Variants in SESTD1 observed in about 807,000 individuals in gnomAD.
SESTD1 encodes the protein SEC14 and spectrin domain containing 1.
SESTD1 carries 43 observed loss-of-function variants against 101.7 expected under a neutral mutation model. The ratio of observed to expected loss-of-function variants is 0.42; its 90% CI spans 0.33 to 0.55. The LOEUF is 0.55. Among genes scored for constraint, SESTD1 ranks in the 20% least tolerant of loss-of-function variants. The pLI, the probability that SESTD1 is intolerant of heterozygous loss-of-function variation, is 0.07. For missense variants in SESTD1, 647 were observed against 815.1 expected (o/e 0.79, Z 2.51); for synonymous variants, 283 against 286.8 (o/e 0.99, Z 0.13).
At chr2:179,176,843 T>C (rs1409515739) in intron 3 of SESTD1, among the ~76,000 whole-genome samples, 1 of 152,250 alleles carries the variant, frequency 6.6e-6, no homozygotes, top group Non-Finnish European at 1.5e-5. Flanking sequence ...ACAGTCCTAC[T>C]AGTCTCTCAA....
intron 13 of SESTD1, 103 bp downstream of exon 13, chr2:179,121,667 T>A: frequency 1.0e-6 from 1 of 973,540 alleles, no homozygotes; most frequent in Non-Finnish European, 1.4e-6. Context: ...GTCTTCTATA[T>A]AACAGTTAAG....
chr2:179,141,717 A>G (rs951174991), intron 9 of SESTD1, among the ~76,000 whole-genome samples: 3 of 151,652 alleles, frequency 2.0e-5, no homozygotes, highest in Non-Finnish European at 4.4e-5. Flanking sequence ...CCCAAGGTCA[A>G]GCAGCTTGGA....
At chr2:179,230,519 AAAAT>A (rs959548007) in intron 1 of SESTD1, among the ~76,000 whole-genome samples, 11 of 152,062 alleles carry the variant, frequency 7.2e-5, no homozygotes, top group Admixed American at 1.3e-4. Flanking sequence ...AGAATGGGCA[AAAAT>A]AAATAAATAA....
chr2:179,225,816 T>C lies in SESTD1; in HGVS notation c.-25-33950A>G, dbSNP rs563367395. Among the ~76,000 whole-genome samples, 9 of 152,326 alleles carry C rather than the reference T, an allele frequency of 5.9e-5. No individual in the cohort carries two copies. In the East Asian group the frequency reaches 1.7e-3, roughly 29 times the overall value. ...GGTGCTAGTCCCATTCACGAGAGCA[T>C]AGCCCTTCTGACTCAATCACCTCCG... On this transcript the variant is annotated intron_variant, in intron 1 of 17. Transcript: ENST00000428443.
At chr2:179,146,500 A>G in intron 7 of SESTD1, 43 bp from the exon 8 acceptor site, 1 of 1,526,836 alleles carries the variant, frequency 6.5e-7, no homozygotes, top group East Asian at 2.3e-5. Context: ...GCATATTTCT[A>G]TCAATGTAAC....
At chr2:179,121,171 G>T (rs2044741761) in intron 13 of SESTD1, among the ~76,000 whole-genome samples, 1 of 152,132 alleles carries the variant, frequency 6.6e-6, no homozygotes, top group Non-Finnish European at 1.5e-5. Flanking sequence ...ATTTTTAAGT[G>T]TGCAAAATTT....
chr2:179,204,603 C>A lies in SESTD1; in HGVS notation c.-25-12737G>T, dbSNP rs1647071224. ...GAATCTATGCTCCCAGGTTGCAGTCCTTGAGCTTAGCCAAAAAAACCTCTC... is the reference window on the plus strand; with the variant it reads ...GAATCTATGCTCCCAGGTTGCAGTCATTGAGCTTAGCCAAAAAAACCTCTC... On this transcript the variant is annotated intron_variant, in intron 1 of 17. Transcript: ENST00000428443. Among the ~76,000 whole-genome samples the A allele has an allele frequency of 1.5e-5, 2 of 134,634 alleles. 1 individual carries two copies. The highest frequency in any genetic ancestry group is 5.9e-5 in the African/African-American group (2 of 34,018). 88.3% of individuals were successfully genotyped at this position (134,634 alleles called of 152,430 possible). A position where few individuals can be genotyped will look rare whatever the true frequency, so the allele number is the denominator to read the frequency against.
At chr2:179,133,654 A>G (rs2045064665) in intron 9 of SESTD1, among the ~76,000 whole-genome samples, 1 of 152,226 alleles carries the variant, frequency 6.6e-6, no homozygotes, top group Admixed American at 6.5e-5. Flanking sequence ...GTGAATGGGG[A>G]TATCTCTGCA....
chr2:179,174,015 T>C (rs1362609440), intron 4 of SESTD1, among the ~76,000 whole-genome samples: 2 of 152,188 alleles, frequency 1.3e-5, no homozygotes, highest in South Asian at 2.1e-4. Context: ...GGATTGTGAC[T>C]AAGGTAAGTA....
rs2044660234 is a variant in SESTD1, at chr2:179,117,544, T to A, written c.1512A>T (p.Glu504Asp). ...GACTGCTCCTTACCTGGGCAGCATCTTCTTCACATTTAAACAACTGCACCA... is the reference window on the plus strand; with the variant it reads ...GACTGCTCCTTACCTGGGCAGCATCATCTTCACATTTAAACAACTGCACCA... ...LQMVQLFKCE[E>D]DAAQAVEWLS... Residue 504 changes from glutamate to aspartate, a missense_variant, in exon 14 of 18, where the codon GAA becomes GAT. This residue lies in a region of SESTD1 where 476 missense variants were observed against 562.6 expected (regional missense o/e 0.85). Coordinates refer to ENST00000428443, the MANE Select transcript of SESTD1 (RefSeq NM_178123.5). 3 of 1,577,568 alleles carry A rather than the reference T, an allele frequency of 1.9e-6. No individual in the cohort carries two copies. Among genetic ancestry groups the A allele is most frequent in the Non-Finnish European group, 2.6e-6 (3 of 1,167,218 alleles).
Position 179,102,368 on chromosome 2 carries a change from C to T in SESTD1, c.*7531G>A, listed in dbSNP as rs1162235979. On this transcript the variant is annotated 3_prime_UTR_variant, in exon 18 of 18. Transcript: ENST00000428443. ...TTACAAAAAATAACTCAAATTGATTCAAAGATGCAGAATTCATCAGATTAT... is the reference window on the plus strand; with the variant it reads ...TTACAAAAAATAACTCAAATTGATTTAAAGATGCAGAATTCATCAGATTAT... 1 of 152,006 alleles carries T rather than the reference C, an allele frequency of 6.6e-6. No individual in the cohort carries two copies. Among genetic ancestry groups the T allele is most frequent in the Admixed American group, 6.6e-5 (1 of 15,246 alleles). 9.4% of individuals were successfully genotyped at this position (152,006 alleles called of 1,614,324 possible). A position where few individuals can be genotyped will look rare whatever the true frequency, so the allele number is the denominator to read the frequency against.
chr2:179,243,813 C>T (rs1306530632), intron 1 of SESTD1, among the ~76,000 whole-genome samples: 2 of 152,020 alleles, frequency 1.3e-5, no homozygotes, highest in Non-Finnish European at 2.9e-5. Flanking sequence ...ACTTTACTCA[C>T]TACCTGGGTG....
chr2:179,121,007 A>G (rs2044737219), intron 13 of SESTD1, among the ~76,000 whole-genome samples: 1 of 152,190 alleles, frequency 6.6e-6, no homozygotes, highest in Non-Finnish European at 1.5e-5. Context: ...CTCAGCTTTG[A>G]TATTTTTTGA....
In SESTD1 at chr2:179,202,166, T is replaced by C. The variant is rs113783156; in HGVS notation, c.-25-10300A>G. Among the ~76,000 whole-genome samples the C allele has an allele frequency of 3.0e-3, 402 of 133,662 alleles. 83 individuals are homozygous for C. The highest frequency in any genetic ancestry group is 0.011 in the African/African-American group (382 of 33,730). 87.7% of individuals were successfully genotyped at this position (133,662 alleles called of 152,430 possible). ...ACAAGGTTTTCTTACGGTATTAATC[T>C]GTTCTTAATAAAACTGCAAGTTTTA... is the stretch of plus-strand genomic sequence containing the variant. On this transcript the variant is annotated intron_variant, in intron 1 of 17. Coordinates refer to ENST00000428443, the MANE Select transcript of SESTD1 (RefSeq NM_178123.5).
At chr2:179,244,032 G>A (rs890279044) in intron 1 of SESTD1, among the ~76,000 whole-genome samples, 1 of 151,550 alleles carries the variant, frequency 6.6e-6, no homozygotes, top group East Asian at 1.9e-4. Context: ...GCTCCAGCAG[G>A]AGCCTCACTA....
intron 4 of SESTD1, among the ~76,000 whole-genome samples, chr2:179,173,647 C>CTA (rs1329913604): frequency 3.3e-5 from 5 of 152,156 alleles, no homozygotes; most frequent in African/African-American, 1.2e-4. Context: ...CTGTCTGACT[C>CTA]TAAAGTTCTA....
intron 6 of SESTD1, 87 bp downstream of exon 6, chr2:179,151,191 T>C: frequency 1.2e-6 from 1 of 860,990 alleles, no homozygotes; most frequent in Non-Finnish European, 1.6e-6. Context: ...AAAAATAATC[T>C]ATATTTTAAT....
chr2:179,114,179 T>G (rs542902054), intron 16 of SESTD1, among the ~76,000 whole-genome samples: 1 of 152,206 alleles, frequency 6.6e-6, no homozygotes, highest in Non-Finnish European at 1.5e-5. Context: ...TTATCATCAT[T>G]AGGCCCATGT....
chr2:179,218,168 C>T (rs912980922), intron 1 of SESTD1, among the ~76,000 whole-genome samples: 3 of 151,976 alleles, frequency 2.0e-5, no homozygotes, highest in Non-Finnish European at 4.4e-5. Flanking sequence ...ACATACTAGT[C>T]CACATTCTTC....
Sources: gnomAD v4.1 joint callset for allele counts (sites outside exome capture counted in the v4.1 genomes callset) on GRCh38, gnomAD v4.1.1 for gene constraint, gnomAD v4.1.1 regional missense constraint, MANE v1.5 for transcripts, NCBI Gene and HGNC (gene_info 2026-07-23, HGNC 2026-07-21) for gene names.